CACNA2D1: variants seen among roughly 807,000 people sequenced by gnomAD.
CACNA2D1 encodes the protein voltage-dependent calcium channel subunit alpha-2/delta-1.
A neutral mutation model predicts 171.5 loss-of-function variants in CACNA2D1; 53 were observed. That is an observed-to-expected ratio of 0.31 (90% CI 0.25 to 0.39). The LOEUF (loss-of-function observed/expected upper bound fraction) is 0.39, where lower values mean the gene tolerates loss of function less well. CACNA2D1 is among the 10% of genes least tolerant of loss of function. The pLI, the probability that CACNA2D1 is intolerant of heterozygous loss-of-function variation, is 1.00. For missense variants in CACNA2D1, 903 were observed against 1,299.8 expected, an observed-to-expected ratio of 0.69 and a Z score of 4.69; for synonymous variants, 442 against 443.1, an observed-to-expected ratio of 1.00 and a Z score of 0.03.
At chr7:82,437,729 G>A (rs979491041) in intron 1 of CACNA2D1, among the ~76,000 whole-genome samples, 11 of 82,244 alleles carry the variant, frequency 1.3e-4, no homozygotes, top group African/African-American at 7.9e-4. Context: ...AGCAATGACC[G>A]CTTTCTTTAC....
At chr7:82,026,928 A>G (rs1464310342) in intron 12 of CACNA2D1, among the ~76,000 whole-genome samples, 2 of 151,770 alleles carry the variant, frequency 1.3e-5, no homozygotes, top group Admixed American at 1.3e-4. Context: ...GTCTGCTATC[A>G]TTTATACTCA....
chr7:82,312,210 C>A (rs1216070252), intron 3 of CACNA2D1, among the ~76,000 whole-genome samples: 1 of 152,040 alleles, frequency 6.6e-6, no homozygotes, highest in Non-Finnish European at 1.5e-5. Flanking sequence ...TATAGCATAC[C>A]CGTTACTAGT....
At position 82,066,529 on chromosome 7, in the gene CACNA2D1, A is replaced by T; in HGVS notation, c.659-5T>A. ...TATTATCAACCCATGGTGAAGCTAA[A>T]AAAAAAAAAAAAAGAGAGATATTAA... On this transcript the variant is annotated splice_region_variant and splice_polypyrimidine_tract_variant and intron_variant, in intron 7 of 38. Coordinates refer to ENST00000356860, the MANE Select transcript of CACNA2D1 (RefSeq NM_000722.4). 1.0e-6 allele frequency: 1 copy of T among 1,000,172 alleles called. No individual in the cohort carries two copies. The allele number at this position is 1,000,172 out of a possible 1,614,324, so 62.0% of individuals were successfully genotyped here.
intron 16 of CACNA2D1, 166 bp downstream of exon 16, chr7:82,007,513 C>A: frequency 1.7e-6 from 1 of 572,218 alleles, no homozygotes; most frequent in Admixed American, 3.0e-5. Context: ...ACCTGCATTT[C>A]CTTTTTCCCA....
intron 21 of CACNA2D1, among the ~76,000 whole-genome samples, chr7:81,986,735 T>G (rs1299132738): frequency 6.6e-6 from 1 of 152,194 alleles, no homozygotes; most frequent in Non-Finnish European, 1.5e-5. Flanking sequence ...GTAGACTTAA[T>G]GAAAATTTCT....
intron 1 of CACNA2D1, among the ~76,000 whole-genome samples, chr7:82,396,252 G>A (rs566325836): frequency 2.0e-5 from 3 of 152,246 alleles, no homozygotes; most frequent in Non-Finnish European, 4.4e-5. Context: ...GGGAGGCTGA[G>A]GCAGGAGGAT....
chr7:82,192,404 ATAT>A, intron 3 of CACNA2D1, among the ~76,000 whole-genome samples: 1 of 4,060 alleles, frequency 2.5e-4, no homozygotes, highest in Non-Finnish European at 2.2e-3. Context: ...GGGGAAATAT[ATAT>A]ATATATATAT....
chr7:82,334,204 G>T (rs914482304), intron 3 of CACNA2D1, among the ~76,000 whole-genome samples: 1 of 152,108 alleles, frequency 6.6e-6, no homozygotes, highest in South Asian at 2.1e-4. Context: ...GCCAGAATAT[G>T]TATCAATGTG....
At chr7:82,217,467 C>T (rs1215208207) in intron 3 of CACNA2D1, among the ~76,000 whole-genome samples, 6 of 133,558 alleles carry the variant, frequency 4.5e-5, no homozygotes, top group Admixed American at 2.4e-4. Flanking sequence ...AGAAATTTCA[C>T]GGCTATGTCC....
At chr7:82,412,193 T>C (rs896034963) in intron 1 of CACNA2D1, among the ~76,000 whole-genome samples, 1 of 152,010 alleles carries the variant, frequency 6.6e-6, no homozygotes, top group Non-Finnish European at 1.5e-5. Context: ...TGTATTTGTA[T>C]CTAGACACTT....
intron 4 of CACNA2D1, among the ~76,000 whole-genome samples, chr7:82,169,288 C>T (rs1453111264): frequency 6.6e-6 from 1 of 151,842 alleles, no homozygotes; most frequent in East Asian, 1.9e-4. Context: ...TCATGGATAG[C>T]AAATTGATCT....
chr7:82,237,437 T>G (rs1225847596), intron 3 of CACNA2D1, among the ~76,000 whole-genome samples: 1 of 151,666 alleles, frequency 6.6e-6, no homozygotes, highest in Non-Finnish European at 1.5e-5. Flanking sequence ...TTCTAGATTG[T>G]TTTTTTTCCT....
chr7:82,417,058 C>T (rs917741822), intron 1 of CACNA2D1, among the ~76,000 whole-genome samples: 1 of 152,174 alleles, frequency 6.6e-6, no homozygotes, highest in Admixed American at 6.5e-5. Context: ...CAAGTTAATA[C>T]ATCTACAATC....
intron 3 of CACNA2D1, among the ~76,000 whole-genome samples, chr7:82,258,745 C>T (rs1344067328): frequency 2.0e-5 from 3 of 151,396 alleles, no homozygotes; most frequent in Admixed American, 2.0e-4. Context: ...AATACATAAG[C>T]CAATACTTTT....
chr7:82,235,752 A>G (rs913370865), intron 3 of CACNA2D1, among the ~76,000 whole-genome samples: 1 of 152,024 alleles, frequency 6.6e-6, no homozygotes, highest in East Asian at 1.9e-4. Flanking sequence ...CCATTGTCTA[A>G]CTACTCTGGT....
At position 81,983,370 on chromosome 7, in the gene CACNA2D1, C is replaced by T. The variant is rs908323662; in HGVS notation, c.1874-36G>A. On this transcript the variant is annotated intron_variant, in intron 22 of 38. Transcript: ENST00000356860. ...CCATCAGAAAGAGAAAGCAGGGAAACAAAAAAAAAAGAGGGTAAAGCAAAG... is the reference window on the plus strand; with the variant it reads ...CCATCAGAAAGAGAAAGCAGGGAAATAAAAAAAAAAGAGGGTAAAGCAAAG... The T allele has an allele frequency of 2.5e-6, 3 of 1,212,956 alleles. No individual in the cohort carries two copies. In the African/African-American group the frequency reaches 4.9e-5, roughly 20 times the overall value. The allele number at this position is 1,212,956 out of a possible 1,614,324, so 75.1% of individuals were successfully genotyped here. A position where few individuals can be genotyped will look rare whatever the true frequency, so the allele number is the denominator to read the frequency against.
In CACNA2D1 at chr7:81,982,635, G is replaced by A. The variant is rs1584281988; in HGVS notation, c.1895-8C>T. The stretch of plus-strand genomic sequence containing the variant: ...GCTTCAGGGTTTCCGAATCTGCAAA[G>A]ATAATGTTACAGGATTAGATAGGTA... On this transcript the variant is annotated splice_polypyrimidine_tract_variant and splice_region_variant and intron_variant, in intron 23 of 38. Transcript: ENST00000356860. 6.4e-7 allele frequency: 1 copy of A among 1,563,134 alleles called. No individual in the cohort carries two copies. The highest frequency in any genetic ancestry group is 8.8e-7 in the Non-Finnish European group (1 of 1,134,036).
intron 3 of CACNA2D1, among the ~76,000 whole-genome samples, chr7:82,230,344 T>C (rs1332646794): frequency 6.6e-6 from 1 of 152,236 alleles, no homozygotes; most frequent in Non-Finnish European, 1.5e-5. Flanking sequence ...TACTTTTGTA[T>C]GTTTTCCTTG....
chr7:82,334,984 A>G (rs1189305146), intron 3 of CACNA2D1, 151 bp downstream of exon 3: 13 of 582,092 alleles, frequency 2.2e-5, no homozygotes. Context: ...GTTTGCATTT[A>G]AACCATGATA....
Sources: gnomAD v4.1 joint callset for allele counts (sites outside exome capture counted in the v4.1 genomes callset) on GRCh38, gnomAD v4.1.1 for gene constraint, MANE v1.5 for transcripts, NCBI Gene and HGNC (gene_info 2026-07-23, HGNC 2026-07-21) for gene names.